NEDD4: variants seen among roughly 807,000 people sequenced by gnomAD.
NEDD4 encodes the protein NEDD4 E3 ubiquitin protein ligase, also known as E3 ubiquitin-protein ligase NEDD4.
NEDD4 carries 99 observed loss-of-function variants against 144.9 expected under a neutral mutation model. The ratio of observed to expected loss-of-function variants is 0.68; its 90% CI spans 0.58 to 0.81. The LOEUF (loss-of-function observed/expected upper bound fraction) is 0.81, where lower values mean the gene tolerates loss of function less well. NEDD4 is among the 30% of genes least tolerant of loss of function. The probability of loss-of-function intolerance (pLI) is 0.00; values close to 1 mark genes in which losing one functional copy is unlikely to be tolerated. For synonymous variants in NEDD4, 318 were observed against 350.6 expected (o/e 0.91, Z 1.04); for missense variants, 985 against 1,065.9 (o/e 0.92, Z 1.06).
In NEDD4 at chr15:55,830,542, G is replaced by T. The variant is rs751645124; in HGVS notation, c.2572C>A (p.Pro858Thr). The change falls in exon 28 of 29, where the codon CCT (proline) becomes ACT (threonine). Residue 858 changes from proline (P) to threonine (T), a missense_variant. Physicochemically the swap from Pro to Thr is conservative, Grantham distance 38. Coordinates refer to ENST00000435532, the MANE Select transcript of NEDD4 (RefSeq NM_006154.4). The part of the protein sequence containing the change: ...QSFTVEQWGT[P>T]EKLPRAHTCF... ...GTATGAGCTCTTGGCAGCTTTTCAG[G>T]AGTACCCCACTGTTCAACTGTAAAT... The T allele has an allele frequency of 6.2e-7, 1 of 1,614,056 alleles. No homozygotes were observed. The highest frequency in any genetic ancestry group is 8.5e-7 in the Non-Finnish European group (1 of 1,179,940).
chr15:55,980,390 C>A (rs2037778409), intron 1 of NEDD4, among the ~76,000 whole-genome samples: 1 of 152,020 alleles, frequency 6.6e-6, no homozygotes. Flanking sequence ...GGCTGCTGTA[C>A]CCACTAAACA....
chr15:55,918,511 C>A (rs2036507343), intron 5 of NEDD4, among the ~76,000 whole-genome samples: 1 of 151,774 alleles, frequency 6.6e-6, no homozygotes. Context: ...CTACTACACC[C>A]AAGTTGTATT....
At chr15:55,902,287 A>T (rs1267107865) in intron 5 of NEDD4, among the ~76,000 whole-genome samples, 4 of 152,214 alleles carry the variant, frequency 2.6e-5, no homozygotes, top group African/African-American at 9.6e-5. Context: ...TGCAAGTCAA[A>T]AGAGATGTAT....
chr15:55,841,495 T>A (rs1372939452), intron 19 of NEDD4, among the ~76,000 whole-genome samples: 2 of 152,174 alleles, frequency 1.3e-5, no homozygotes, highest in African/African-American at 4.8e-5. Context: ...TTTGGGAAGA[T>A]GAAAAAGTTC....
intron 21 of NEDD4, 115 bp downstream of exon 21, chr15:55,840,332 T>C: frequency 6.5e-6 from 6 of 928,530 alleles, no homozygotes; most frequent in Non-Finnish European, 9.4e-6. Flanking sequence ...AGTTCATTTG[T>C]ATTTTGAAAC....
chr15:55,876,395 A>T (rs1454966941), intron 5 of NEDD4, among the ~76,000 whole-genome samples: 1 of 151,938 alleles, frequency 6.6e-6, no homozygotes, highest in Non-Finnish European at 1.5e-5. Context: ...TAAAGAACAA[A>T]TTGTTGTATA....
chr15:55,978,600 A>T (rs2037744258), intron 1 of NEDD4, among the ~76,000 whole-genome samples: 2 of 152,224 alleles, frequency 1.3e-5, no homozygotes, highest in Admixed American at 1.3e-4. Context: ...AAAAGTAACA[A>T]AAGTTAAACA....
chr15:55,873,961 T>C lies in NEDD4; in HGVS notation c.339A>G (p.Leu113=). 6.5e-7 allele frequency: 1 copy of C among 1,541,784 alleles called. No homozygotes were observed. Among genetic ancestry groups the C allele is most frequent in the Non-Finnish European group, 8.8e-7 (1 of 1,139,062 alleles). ...LGQVDVPLYP[L]PTENPRLERP... ...AATCATGGACACCTATACCAACCGGTAATGGATAAAGTGGAACATCCACTT... is the reference window on the plus strand; with the variant it reads ...AATCATGGACACCTATACCAACCGGCAATGGATAAAGTGGAACATCCACTT... Residue 113 remains leucine, a synonymous_variant, in exon 6 of 29, where the codon TTA becomes TTG. Coordinates refer to ENST00000435532, the MANE Select transcript of NEDD4 (RefSeq NM_006154.4).
chr15:55,908,963 C>G (rs546566648), intron 5 of NEDD4, among the ~76,000 whole-genome samples: 2 of 152,114 alleles, frequency 1.3e-5, no homozygotes, highest in Non-Finnish European at 2.9e-5. Context: ...TCAGGTATAA[C>G]TATACTTAAC....
chr15:55,958,821 GTTTTCT>G, intron 2 of NEDD4, among the ~76,000 whole-genome samples: 1 of 151,418 alleles, frequency 6.6e-6, no homozygotes, highest in Non-Finnish European at 1.5e-5. Context: ...TGTACAAAAT[GTTTTCT>G]TTTTATCTTT....
chr15:55,892,140 C>G (rs963131890), intron 5 of NEDD4, among the ~76,000 whole-genome samples: 3 of 151,842 alleles, frequency 2.0e-5, no homozygotes, highest in Admixed American at 6.6e-5. Flanking sequence ...GTGGTGGCCA[C>G]CTAGAATCCC....
intron 5 of NEDD4, among the ~76,000 whole-genome samples, chr15:55,907,545 G>C (rs1359399698): frequency 6.6e-6 from 1 of 152,134 alleles, no homozygotes; most frequent in Admixed American, 6.5e-5. Flanking sequence ...ACTTATGGCA[G>C]GCACATATTC....
chr15:55,921,868 C>T (rs769285379), intron 5 of NEDD4, among the ~76,000 whole-genome samples: 3 of 152,112 alleles, frequency 2.0e-5, no homozygotes, highest in Non-Finnish European at 4.4e-5. Context: ...GAAAGAGTCA[C>T]GCAAATACTA....
intron 18 of NEDD4, among the ~76,000 whole-genome samples, chr15:55,844,820 T>C: frequency 6.6e-6 from 1 of 151,638 alleles, no homozygotes; most frequent in East Asian, 1.9e-4. Flanking sequence ...TTTTTTTTTT[T>C]TTTTTGAGAC....
intron 1 of NEDD4, among the ~76,000 whole-genome samples, chr15:55,986,714 C>T (rs62045226): frequency 6.2e-4 from 93 of 151,124 alleles, no homozygotes; most frequent in African/African-American, 2.0e-3. Flanking sequence ...CTCAGCCTCC[C>T]GAGTAGCTGG....
intron 4 of NEDD4, among the ~76,000 whole-genome samples, chr15:55,935,444 C>G (rs1238861959): frequency 2.0e-5 from 3 of 152,094 alleles, no homozygotes; most frequent in Non-Finnish European, 4.4e-5. Flanking sequence ...TAGGGTAACA[C>G]CATTTTCCTC....
At chr15:55,845,810 T>TTTGAGACACTC (rs2033717203) in intron 18 of NEDD4, among the ~76,000 whole-genome samples, 2 of 151,360 alleles carry the variant, frequency 1.3e-5, no homozygotes, top group Non-Finnish European at 1.5e-5. Flanking sequence ...TTTTTTTTTT[T>TTTGAGACACTC]TGAGACACTC....
At chr15:55,848,768 T>C (rs1436476031) in intron 15 of NEDD4, 38 bp downstream of exon 15, 11 of 1,566,548 alleles carry the variant, frequency 7.0e-6, no homozygotes, top group Non-Finnish European at 8.8e-6. Context: ...ATATTTGAGA[T>C]AGCCAAGTTA....
chr15:55,956,601 T>G (rs1319160372), intron 2 of NEDD4, among the ~76,000 whole-genome samples: 1 of 152,142 alleles, frequency 6.6e-6, no homozygotes, highest in East Asian at 1.9e-4. Flanking sequence ...TGTGTATATA[T>G]TCTCTCTCTC....
Sources: gnomAD v4.1 joint callset for allele counts (sites outside exome capture counted in the v4.1 genomes callset) on GRCh38, gnomAD v4.1.1 for gene constraint, MANE v1.5 for transcripts, NCBI Gene and HGNC (gene_info 2026-07-23, HGNC 2026-07-21) for gene names.